The following EPN2 variants were observed in gnomAD, a reference collection of about 807,000 sequenced individuals.
EPN2 encodes epsin 2.
EPN2 carries 34 observed loss-of-function variants against 61.7 expected under a neutral mutation model. That is an observed-to-expected ratio of 0.55 (90% CI 0.42 to 0.73). The LOEUF (loss-of-function observed/expected upper bound fraction) is 0.73. Ranked by LOEUF, EPN2 falls within the 30% of genes least tolerant of loss-of-function variation. The pLI is 0.00. For missense variants in EPN2, 714 were observed against 839.2 expected (o/e 0.85, Z 1.84); for synonymous variants, 349 against 353.6 (o/e 0.99, Z 0.15).
chr17:19,303,295 G>T (rs1268013334), intron 4 of EPN2, among the ~76,000 whole-genome samples: 2 of 152,196 alleles, frequency 1.3e-5, no homozygotes, highest in African/African-American at 4.8e-5. Flanking sequence ...CTCACGCTGA[G>T]GTCATGGTCA....
chr17:19,295,373 T>TGCGCGCGCGTGCGC lies in EPN2; in HGVS notation c.766+9589_766+9590insGCGTGCGCGCGCGC, dbSNP rs75073631. 4.9e-5 allele frequency among the ~76,000 whole-genome samples: 7 copies of TGCGCGCGCGTGCGC among 144,326 alleles called. No homozygotes were observed. The East Asian group carries it at 6.0e-4, about 12-fold the overall frequency. The allele number at this position is 144,326 out of a possible 152,430, so 94.7% of individuals were successfully genotyped here. A position where few individuals can be genotyped will look rare whatever the true frequency, so the allele number is the denominator to read the frequency against. On this transcript the variant is annotated intron_variant, in intron 4 of 10. Transcript: ENST00000314728. ...ACACACACACACACACACACGCGCG[T>TGCGCGCGCGTGCGC]GCGCGCAAAATAGCCAGGTGTAGTG...
intron 4 of EPN2, among the ~76,000 whole-genome samples, chr17:19,287,373 A>T (rs552450615): frequency 6.6e-6 from 1 of 152,194 alleles, no homozygotes; most frequent in East Asian, 1.9e-4. Flanking sequence ...CATGCCCCAG[A>T]TGAGTTTTGA....
chr17:19,308,692 T>A lies in EPN2; in HGVS notation c.767-1193T>A, dbSNP rs952648441. On this transcript the variant is annotated intron_variant, in intron 4 of 10. Transcript: ENST00000314728. ...AACCATCTAAAGCAGTAGCTCCAAA[T>A]CTCTCAGAGGGCAGGTCTTGTTCTG... 1.2e-4 allele frequency: 119 copies of A among 984,910 alleles called. No homozygotes were observed. The African/African-American group carries it at 2.0e-3, about 17-fold the overall frequency. The allele number at this position is 984,910 out of a possible 1,614,324, so 61.0% of individuals were successfully genotyped here. A position where few individuals can be genotyped will look rare whatever the true frequency, so the allele number is the denominator to read the frequency against.
At chr17:19,292,487 G>C (rs185290459) in intron 4 of EPN2, among the ~76,000 whole-genome samples, 1 of 152,230 alleles carries the variant, frequency 6.6e-6, no homozygotes, top group African/African-American at 2.4e-5. Context: ...AGTCCCAGGG[G>C]CAGAGGCACA....
chr17:19,294,965 AATTAT>A (rs2045500322), intron 4 of EPN2, among the ~76,000 whole-genome samples: 1 of 152,142 alleles, frequency 6.6e-6, no homozygotes, highest in Non-Finnish European at 1.5e-5. Context: ...ATTAAAAAAA[AATTAT>A]ATGACTAGAA....
chr17:19,250,680 A>G (rs1037477306), intron 1 of EPN2, among the ~76,000 whole-genome samples: 11 of 152,070 alleles, frequency 7.2e-5, no homozygotes, highest in Non-Finnish European at 1.3e-4. Context: ...CCAGTTCTCC[A>G]CAGACTTCCA....
intron 1 of EPN2, among the ~76,000 whole-genome samples, chr17:19,250,086 T>C (rs982915277): frequency 6.6e-6 from 1 of 151,994 alleles, no homozygotes. Context: ...GTCAGCTGAT[T>C]AGAAACTGAA....
intron 1 of EPN2, among the ~76,000 whole-genome samples, chr17:19,241,957 A>G (rs7214668): frequency 0.033 from 4,972 of 152,302 alleles, 346 homozygotes; most frequent in South Asian, 0.2. Context: ...TTTAAATAAT[A>G]GAATAAATTT....
intron 1 of EPN2, among the ~76,000 whole-genome samples, chr17:19,247,908 G>C (rs987189334): frequency 6.6e-6 from 1 of 152,204 alleles, no homozygotes; most frequent in Non-Finnish European, 1.5e-5. Flanking sequence ...GGGAAGTTTG[G>C]ATTTGACTCC....
intron 7 of EPN2, among the ~76,000 whole-genome samples, chr17:19,314,928 G>A (rs1294561047): frequency 6.6e-6 from 1 of 152,234 alleles, no homozygotes; most frequent in Non-Finnish European, 1.5e-5. Context: ...GCCACCATAA[G>A]TTATGGTTAG....
At chr17:19,275,910 A>G (rs1437636831) in intron 1 of EPN2, among the ~76,000 whole-genome samples, 1 of 152,208 alleles carries the variant, frequency 6.6e-6, no homozygotes, top group Non-Finnish European at 1.5e-5. Context: ...AGAAGGCCTG[A>G]CAATTTCTGC....
At chr17:19,245,478 TCTCAGCTCACTGCAGCGGC>T (rs2044935777) in intron 1 of EPN2, among the ~76,000 whole-genome samples, 1 of 139,300 alleles carries the variant, frequency 7.2e-6, no homozygotes, top group African/African-American at 3.1e-5. Context: ...AGTGGCGGGA[TCTCAGCTCACTGCAGCGGC>T]GGGATCTCAG....
chr17:19,281,358 G>C (rs1049209274), intron 1 of EPN2, among the ~76,000 whole-genome samples: 1 of 152,176 alleles, frequency 6.6e-6, no homozygotes, highest in African/African-American at 2.4e-5. Flanking sequence ...AGGATTTTAG[G>C]TTTGGAATCC....
At chr17:19,312,209 C>T (rs551483118) in intron 6 of EPN2, 65 bp downstream of exon 6, 7 of 1,156,696 alleles carry the variant, frequency 6.1e-6, no homozygotes, top group Admixed American at 5.1e-5. Flanking sequence ...AATATCCCCC[C>T]ACCAACTTGC....
chr17:19,311,479 A>T (rs1252784802), intron 5 of EPN2, among the ~76,000 whole-genome samples: 1 of 151,976 alleles, frequency 6.6e-6, no homozygotes. Context: ...AAGAAAAAAT[A>T]CAAGGAATAT....
At chr17:19,326,895 T>C (rs900230904) in intron 7 of EPN2, among the ~76,000 whole-genome samples, 2 of 151,878 alleles carry the variant, frequency 1.3e-5, no homozygotes, top group African/African-American at 4.8e-5. Context: ...TGGCACCTTA[T>C]AGGAGAGGAA....
intron 1 of EPN2, among the ~76,000 whole-genome samples, chr17:19,247,205 G>C (rs1055117711): frequency 6.6e-6 from 1 of 152,212 alleles, no homozygotes; most frequent in African/African-American, 2.4e-5. Flanking sequence ...AGATGTAGAA[G>C]TATGGGCATT....
At chr17:19,300,391 G>A (rs1905423046) in intron 4 of EPN2, among the ~76,000 whole-genome samples, 1 of 148,850 alleles carries the variant, frequency 6.7e-6, no homozygotes, top group African/African-American at 2.5e-5. Context: ...TTTAAGGTAA[G>A]TATGTGCTCT....
intron 1 of EPN2, among the ~76,000 whole-genome samples, chr17:19,271,198 C>T (rs2045249463): frequency 6.6e-6 from 1 of 152,034 alleles, no homozygotes. Context: ...GATAAACAGG[C>T]ACATAAGAAA....
Sources: allele counts gnomAD v4.1 joint callset (sites outside exome capture counted in the v4.1 genomes callset), GRCh38; gene constraint gnomAD v4.1.1; transcripts MANE v1.5; gene names NCBI Gene and HGNC (gene_info 2026-07-23, HGNC 2026-07-21).